The following KIAA1217 variants were observed in gnomAD, a reference collection of about 807,000 sequenced individuals.
The protein encoded by KIAA1217 is KIAA1217, also known as sickle tail protein homolog.
A neutral mutation model predicts 163.9 loss-of-function variants in KIAA1217; 88 were observed. The ratio of observed to expected loss-of-function variants is 0.54; its 90% CI spans 0.45 to 0.64. KIAA1217 has a LOEUF of 0.64. Among genes scored for constraint, KIAA1217 ranks in the 30% least tolerant of loss-of-function variants. The pLI, the probability that KIAA1217 is intolerant of heterozygous loss-of-function variation, is 0.00. For missense variants in KIAA1217, 2,372 were observed against 2,475.0 expected (o/e 0.96, Z 0.88); for synonymous variants, 903 against 923.1 (o/e 0.98, Z 0.39).
chr10:24,066,933 A>C (rs7069238), intron 2 of KIAA1217, among the ~76,000 whole-genome samples: 3,997 of 152,144 alleles, frequency 0.026, 165 homozygotes, highest in African/African-American at 0.093. Flanking sequence ...AGTTGATTGC[A>C]TCAGTTACTG....
At chr10:24,272,735 G>A (rs1057334170) in intron 2 of KIAA1217, among the ~76,000 whole-genome samples, 5 of 152,144 alleles carry the variant, frequency 3.3e-5, no homozygotes, top group Admixed American at 6.5e-5. Flanking sequence ...AACAGAGATC[G>A]GTTTTCACGT....
intron 3 of KIAA1217, among the ~76,000 whole-genome samples, chr10:24,417,507 A>G (rs1294187667): frequency 6.6e-6 from 1 of 152,160 alleles, no homozygotes; most frequent in East Asian, 1.9e-4. Flanking sequence ...ACTGATGGGA[A>G]TTGTTTCCCT....
chr10:24,438,643 T>G (rs1293844319), intron 5 of KIAA1217, among the ~76,000 whole-genome samples, 164 bp downstream of exon 5: 1 of 152,138 alleles, frequency 6.6e-6, no homozygotes, highest in African/African-American at 2.4e-5. Flanking sequence ...AGAAGTAAGA[T>G]TTCCTGGTTA....
At chr10:24,006,055 G>A (rs773830238) in intron 1 of KIAA1217, among the ~76,000 whole-genome samples, 2 of 152,168 alleles carry the variant, frequency 1.3e-5, no homozygotes, top group Non-Finnish European at 2.9e-5. Context: ...TACGGTTTCA[G>A]TGGACCACTT....
intron 2 of KIAA1217, among the ~76,000 whole-genome samples, chr10:24,165,262 G>A (rs550951813): frequency 6.6e-6 from 1 of 152,154 alleles, no homozygotes; most frequent in Non-Finnish European, 1.5e-5. Context: ...ACTTGTATCT[G>A]TAAGGGTGGA....
intron 1 of KIAA1217, among the ~76,000 whole-genome samples, chr10:23,814,085 C>A (rs569000724): frequency 6.6e-6 from 1 of 152,262 alleles, no homozygotes; most frequent in South Asian, 2.1e-4. Flanking sequence ...ATTACCAGGT[C>A]ATTAGCAGTC....
intron 1 of KIAA1217, among the ~76,000 whole-genome samples, chr10:24,216,864 T>G (rs1358692840): frequency 8.0e-6 from 1 of 125,722 alleles, no homozygotes; most frequent in Non-Finnish European, 1.7e-5. Context: ...TAAAATAAAA[T>G]ACATAAAAAT....
intron 2 of KIAA1217, among the ~76,000 whole-genome samples, chr10:24,344,649 G>C (rs1458523128): frequency 6.6e-6 from 1 of 152,146 alleles, no homozygotes; most frequent in African/African-American, 2.4e-5. Flanking sequence ...TTAATAACAG[G>C]AATGTAACTT....
At chr10:23,961,597 A>C (rs1844822751) in intron 1 of KIAA1217, among the ~76,000 whole-genome samples, 1 of 152,184 alleles carries the variant, frequency 6.6e-6, no homozygotes, top group Admixed American at 6.5e-5. Context: ...CTTTAAAATA[A>C]CCCTTCAGCT....
chr10:24,270,893 C>G (rs184385126), intron 2 of KIAA1217, among the ~76,000 whole-genome samples: 1 of 152,172 alleles, frequency 6.6e-6, no homozygotes, highest in Non-Finnish European at 1.5e-5. Flanking sequence ...TGGAATGTGT[C>G]CCCCCACCTA....
chr10:23,760,363 C>T (rs1247835421), intron 1 of KIAA1217, among the ~76,000 whole-genome samples: 2 of 152,158 alleles, frequency 1.3e-5, no homozygotes, highest in Non-Finnish European at 2.9e-5. Context: ...TCAGGCTTTT[C>T]CCTCAGGCTT....
At chr10:23,853,731 G>C (rs922390094) in intron 1 of KIAA1217, among the ~76,000 whole-genome samples, 8 of 152,232 alleles carry the variant, frequency 5.3e-5, no homozygotes, top group African/African-American at 1.9e-4. Context: ...CTTCTTCCTG[G>C]TTTAGTCTTG....
At chr10:24,033,407 G>A (rs1383709152) in intron 2 of KIAA1217, among the ~76,000 whole-genome samples, 1 of 152,120 alleles carries the variant, frequency 6.6e-6, no homozygotes, top group Non-Finnish European at 1.5e-5. Flanking sequence ...CCTATATAAA[G>A]TCACTATCAG....
At chr10:24,390,471 GGGAGGGAAGGAAGGAAGGAAGGAA>G (rs1249838684) in intron 3 of KIAA1217, among the ~76,000 whole-genome samples, 1 of 115,088 alleles carries the variant, frequency 8.7e-6, no homozygotes, top group African/African-American at 4.2e-5. Context: ...GAGGGAGGGA[GGGAGGGAAGGAAGGAAGGAAGGAA>G]GGAAGGAAGG....
In KIAA1217 at chr10:24,544,982, G is replaced by GCTCCAGCGGGGCCCCACAGAC; in HGVS notation, c.5214_5234dup (p.Ser1740_Ser1746dup). 1 of 1,613,854 alleles carries GCTCCAGCGGGGCCCCACAGAC rather than the reference G, an allele frequency of 6.2e-7. No individual in the cohort carries two copies. The highest frequency in any genetic ancestry group is 1.3e-5 in the African/African-American group (1 of 74,990). The stretch of plus-strand genomic sequence containing the variant: ...CCCTCTCACTGGTCCTTCCCACAGG[G>GCTCCAGCGGGGCCCCACAGAC]CTCCAGCGGGGCCCCACAGACGAGC... On this transcript the variant is annotated inframe_insertion and splice_region_variant, in exon 20 of 21. Transcript: ENST00000376454.
At chr10:24,525,920 G>T (rs1466170008) in intron 13 of KIAA1217, among the ~76,000 whole-genome samples, 1 of 152,178 alleles carries the variant, frequency 6.6e-6, no homozygotes, top group Non-Finnish European at 1.5e-5. Context: ...GGCCCAGGGA[G>T]GTCAAGGCTT....
At chr10:24,200,766 T>G (rs1452973879) in intron 2 of KIAA1217, among the ~76,000 whole-genome samples, 2 of 152,104 alleles carry the variant, frequency 1.3e-5, no homozygotes, top group African/African-American at 4.8e-5. Flanking sequence ...AGCCTACTGA[T>G]TGCACCAGTC....
At chr10:23,745,390 G>T (rs935204378) in intron 1 of KIAA1217, among the ~76,000 whole-genome samples, 1 of 152,106 alleles carries the variant, frequency 6.6e-6, no homozygotes, top group Non-Finnish European at 1.5e-5. Context: ...ATAACATCAC[G>T]TCGAGTTGCT....
intron 1 of KIAA1217, among the ~76,000 whole-genome samples, chr10:23,934,625 A>ATATTTTT (rs1554826424): frequency 2.0e-4 from 14 of 68,540 alleles, no homozygotes; most frequent in African/African-American, 5.5e-4. Flanking sequence ...ATATATATAT[A>ATATTTTT]TTTTTTTTTT....
Sources: gnomAD v4.1 joint callset for allele counts (sites outside exome capture counted in the v4.1 genomes callset) on GRCh38, gnomAD v4.1.1 for gene constraint, MANE v1.5 for transcripts, NCBI Gene and HGNC (gene_info 2026-07-23, HGNC 2026-07-21) for gene names.